FKBP5: variants seen among roughly 807,000 people sequenced by gnomAD.
The protein encoded by FKBP5 is peptidyl-prolyl cis-trans isomerase FKBP5.
A neutral mutation model predicts 50.5 loss-of-function variants in FKBP5; 23 were observed. The ratio of observed to expected loss-of-function variants is 0.46; its 90% CI spans 0.33 to 0.65. The LOEUF (loss-of-function observed/expected upper bound fraction) is 0.65. Among genes scored for constraint, FKBP5 ranks in the 30% least tolerant of loss-of-function variants. The pLI, the probability that FKBP5 is intolerant of heterozygous loss-of-function variation, is 0.02. For missense variants in FKBP5, 411 were observed against 553.1 expected, an observed-to-expected ratio of 0.74 and a Z score of 2.58; for synonymous variants, 176 against 190.6, an observed-to-expected ratio of 0.92 and a Z score of 0.63.
intron 9 of FKBP5, among the ~76,000 whole-genome samples, chr6:35,579,006 C>T (rs1329954194): frequency 6.6e-6 from 1 of 151,954 alleles, no homozygotes; most frequent in Non-Finnish European, 1.5e-5. Flanking sequence ...GTCCCAGCTA[C>T]TCAGGAGGCT....
intron 3 of FKBP5, among the ~76,000 whole-genome samples, chr6:35,631,013 A>G (rs1764137206): frequency 6.6e-6 from 1 of 152,228 alleles, no homozygotes; most frequent in Non-Finnish European, 1.5e-5. Flanking sequence ...ACACTTTACA[A>G]AAGAAAACAT....
At chr6:35,627,928 ATTT>A (rs35468991) in intron 3 of FKBP5, among the ~76,000 whole-genome samples, 1 of 108,472 alleles carries the variant, frequency 9.2e-6, no homozygotes, top group Non-Finnish European at 1.8e-5. Flanking sequence ...TGCCCAGCTA[ATTT>A]TTTTTTTTTT....
rs144437973 is a variant in FKBP5, at chr6:35,688,033, A to G, written c.-20+771T>C. Among the ~76,000 whole-genome samples, 1,326 of 152,356 alleles carry G rather than the reference A, an allele frequency of 8.7e-3. 21 individuals are homozygous for G. Among genetic ancestry groups the G allele is most frequent in the African/African-American group, 0.027 (1,136 of 41,592 alleles). ...TTTTCACGTCCCAGAACAGAAGAGC[A>G]TAAGGAGCCCTGGCACAGCGTTCAG... On this transcript the variant is annotated intron_variant, in intron 1 of 10. Coordinates refer to ENST00000357266, the MANE Select transcript of FKBP5 (RefSeq NM_004117.4).
At chr6:35,625,001 A>G (rs990002458) in intron 3 of FKBP5, among the ~76,000 whole-genome samples, 1 of 152,338 alleles carries the variant, frequency 6.6e-6, no homozygotes, top group African/African-American at 2.4e-5. Flanking sequence ...GAGAGCATCA[A>G]TTAGTCTGGA....
chr6:35,606,750 A>T (rs115216446), intron 5 of FKBP5, among the ~76,000 whole-genome samples: 1 of 149,736 alleles, frequency 6.7e-6, no homozygotes, highest in African/African-American at 2.4e-5. Flanking sequence ...ATGCTTAAAC[A>T]GTGTTGATGA....
chr6:35,697,916 A>G (rs1474624588), intron 2 of FKBP5, among the ~76,000 whole-genome samples: 1 of 152,272 alleles, frequency 6.6e-6, no homozygotes, highest in Admixed American at 6.5e-5. Context: ...GTTAATAAAA[A>G]TAAAAGAACA....
At chr6:35,596,803 T>C (rs1181160778) in intron 6 of FKBP5, among the ~76,000 whole-genome samples, 1 of 152,014 alleles carries the variant, frequency 6.6e-6, no homozygotes, top group East Asian at 1.9e-4. Context: ...AGAATGTGCT[T>C]TTTTTTTCAG....
intron 5 of FKBP5, among the ~76,000 whole-genome samples, chr6:35,599,315 G>C (rs1581800539): frequency 1.3e-5 from 2 of 152,124 alleles, no homozygotes; most frequent in South Asian, 4.1e-4. Flanking sequence ...ATATAGTCCA[G>C]AAACCAGCTT....
chr6:35,582,602 A>C, intron 8 of FKBP5: 1 of 912,352 alleles, frequency 1.1e-6, no homozygotes, highest in Non-Finnish European at 1.3e-6. Flanking sequence ...TCTGGGACTT[A>C]CAGTCTCCAG....
chr6:35,620,295 GTT>G (rs1264116439), intron 3 of FKBP5, 21 bp from the exon 4 acceptor site: 15 of 1,611,972 alleles, frequency 9.3e-6, no homozygotes, highest in Non-Finnish European at 1.3e-5. Context: ...GGAAAAGGTA[GTT>G]GAAAGCTATA....
At chr6:35,667,806 G>C (rs1765272844) in intron 1 of FKBP5, among the ~76,000 whole-genome samples, 1 of 151,496 alleles carries the variant, frequency 6.6e-6, no homozygotes, top group African/African-American at 2.4e-5. Flanking sequence ...CTCTATTAAA[G>C]ATACAAAAAT....
At chr6:35,652,257 G>GTACAT (rs1312834928) in intron 1 of FKBP5, among the ~76,000 whole-genome samples, 208 of 152,260 alleles carry the variant, frequency 1.4e-3, no homozygotes, top group African/African-American at 4.9e-3. Flanking sequence ...TACAGCATGT[G>GTACAT]TGTTTGAGCA....
chr6:35,653,511 T>A (rs1185868441), intron 1 of FKBP5, among the ~76,000 whole-genome samples: 1 of 152,176 alleles, frequency 6.6e-6, no homozygotes, highest in African/African-American at 2.4e-5. Context: ...GAACATGATA[T>A]CTGGAGTTAA....
intron 7 of FKBP5, among the ~76,000 whole-genome samples, chr6:35,587,458 T>C (rs1298658622): frequency 2.0e-5 from 3 of 152,216 alleles, no homozygotes; most frequent in Non-Finnish European, 4.4e-5. Flanking sequence ...ATGCCTTATC[T>C]CCCTCTGCAA....
chr6:35,676,579 TTC>T (rs2151007679), intron 1 of FKBP5, among the ~76,000 whole-genome samples: 1 of 152,388 alleles, frequency 6.6e-6, no homozygotes, highest in African/African-American at 2.4e-5. Context: ...TGGTTTATTT[TTC>T]TCTTTTTTCC....
At position 35,644,272 on chromosome 6, in the gene FKBP5, T is replaced by C. The variant is rs982186234; in HGVS notation, c.-19-1429A>G. ...CTGCTCCCTGTTTGGGCAGGGAAAA[T>C]CAAGAAGGAATCACTCCTACAGCTA... is the stretch of plus-strand genomic sequence containing the variant. On this transcript the variant is annotated intron_variant, in intron 1 of 10. Transcript: ENST00000357266. Among the ~76,000 whole-genome samples the C allele has an allele frequency of 1.3e-5, 2 of 152,022 alleles. 1 individual carries two copies. The highest frequency in any genetic ancestry group is 4.8e-5 in the African/African-American group (2 of 41,384).
rs970179769 is a variant in FKBP5 at position 35,590,996 on chromosome 6, TG to T, written c.756+133del. ...TTGTTCTATTCTTCAGCAGCAGTGT[TG>T]GAGGCAAGAGACAAACTTGATAATG... On this transcript the variant is annotated intron_variant, in intron 7 of 10. Coordinates refer to ENST00000357266, the MANE Select transcript of FKBP5 (RefSeq NM_004117.4). 8 of 546,908 alleles carry T rather than the reference TG, an allele frequency of 1.5e-5. No homozygotes were observed. The African/African-American group carries it at 1.5e-4, about 10-fold the overall frequency. The allele number at this position is 546,908 out of a possible 1,614,324, so 33.9% of individuals were successfully genotyped here. A position where few individuals can be genotyped will look rare whatever the true frequency, so the allele number is the denominator to read the frequency against.
upstream of FKBP5, among the ~76,000 whole-genome samples, chr6:35,689,219 G>A (rs369122106): frequency 6.6e-6 from 1 of 152,174 alleles, no homozygotes; most frequent in East Asian, 1.9e-4. Flanking sequence ...CTTACCTCCC[G>A]AGAAATTAAT....
At chr6:35,651,343 G>T (rs1374173460) in intron 1 of FKBP5, among the ~76,000 whole-genome samples, 1 of 152,066 alleles carries the variant, frequency 6.6e-6, no homozygotes, top group Non-Finnish European at 1.5e-5. Context: ...AACATTTCAT[G>T]GTTCCACTCA....
Sources: allele counts gnomAD v4.1 joint callset (sites outside exome capture counted in the v4.1 genomes callset), GRCh38; gene constraint gnomAD v4.1.1; transcripts MANE v1.5; gene names NCBI Gene and HGNC (gene_info 2026-07-23, HGNC 2026-07-21).